Variants in GALNT17 observed in about 807,000 individuals in gnomAD.
GALNT17 encodes the protein polypeptide N-acetylgalactosaminyltransferase 17.
A neutral mutation model predicts 63.7 loss-of-function variants in GALNT17; 29 were observed. The ratio of observed to expected loss-of-function variants is 0.46; its 90% confidence interval spans 0.34 to 0.62. The LOEUF (loss-of-function observed/expected upper bound fraction) is 0.62, where lower values mean the gene tolerates loss of function less well. Among genes scored for constraint, GALNT17 ranks in the 20% least tolerant of loss-of-function variants. GALNT17 has a pLI of 0.01. For missense variants in GALNT17, 603 were observed against 799.6 expected (o/e 0.75, Z 2.97); for synonymous variants, 305 against 318.3 (o/e 0.96, Z 0.45).
rs555277254 is a variant in GALNT17 at position 71,155,694 on chromosome 7, G to A, written c.238+22654G>A. On this transcript the variant is annotated intron_variant, in intron 1 of 10. Transcript: ENST00000333538. ...AGAGACTACTGATTTTCTACTTTTTGTAGAACCTGGAGAATTTGGTGTTTC... is the reference window on the plus strand; with the variant it reads ...AGAGACTACTGATTTTCTACTTTTTATAGAACCTGGAGAATTTGGTGTTTC... 8.6e-5 allele frequency among the ~76,000 whole-genome samples: 13 copies of A among 151,436 alleles called. No individual in the cohort carries two copies. In the South Asian group the frequency reaches 2.5e-3, roughly 29 times the overall value.
intron 1 of GALNT17, among the ~76,000 whole-genome samples, chr7:71,249,922 A>G (rs996678102): frequency 6.6e-6 from 1 of 152,244 alleles, no homozygotes; most frequent in African/African-American, 2.4e-5. Flanking sequence ...AAGGTGATGC[A>G]TTTCAATATT....
At chr7:71,660,616 G>C (rs1790894088) in intron 6 of GALNT17, among the ~76,000 whole-genome samples, 1 of 152,184 alleles carries the variant, frequency 6.6e-6, no homozygotes, top group African/African-American at 2.4e-5. Context: ...ACATAAACTG[G>C]ATCGTTCCCT....
intron 9 of GALNT17, among the ~76,000 whole-genome samples, chr7:71,682,961 T>C (rs664924): frequency 0.4 from 61,172 of 151,906 alleles, 13,780 homozygotes; most frequent in African/African-American, 0.62. Context: ...TCTCCTTTCC[T>C]GCTGGGAGCT....
In GALNT17 at chr7:71,686,748, T is replaced by C. The variant is rs80091757; in HGVS notation, c.1500+9442T>C. The stretch of plus-strand genomic sequence containing the variant: ...TTGAGGACCATAGTTGAGAGAGTGT[T>C]CATAGAAGTTGCCTGTACACCTGCA... On this transcript the variant is annotated intron_variant, in intron 9 of 10. Coordinates refer to ENST00000333538, the MANE Select transcript of GALNT17 (RefSeq NM_022479.3). 6.5e-3 allele frequency among the ~76,000 whole-genome samples: 984 copies of C among 152,114 alleles called. 15 individuals are homozygous for C. Among genetic ancestry groups the C allele is most frequent in the African/African-American group, 0.022 (917 of 41,508 alleles).
At chr7:71,193,454 C>CTTTTTTTTT (rs1159902249) in intron 1 of GALNT17, among the ~76,000 whole-genome samples, 8 of 107,308 alleles carry the variant, frequency 7.5e-5, no homozygotes, top group East Asian at 2.9e-4. Context: ...ACGCTTTTGT[C>CTTTTTTTTT]TTTTTTTTTT....
At chr7:71,234,801 C>T (rs903179239) in intron 1 of GALNT17, among the ~76,000 whole-genome samples, 1 of 152,158 alleles carries the variant, frequency 6.6e-6, no homozygotes, top group African/African-American at 2.4e-5. Context: ...GATGCTGACT[C>T]CTGAATTTGG....
chr7:71,694,988 G>A (rs992775678), intron 9 of GALNT17, among the ~76,000 whole-genome samples: 3 of 152,080 alleles, frequency 2.0e-5, no homozygotes, highest in Non-Finnish European at 4.4e-5. Flanking sequence ...CACATATAGA[G>A]ACAAAAAAGA....
chr7:71,383,506 A>G (rs959961418), intron 2 of GALNT17, among the ~76,000 whole-genome samples: 1 of 152,152 alleles, frequency 6.6e-6, no homozygotes, highest in Admixed American at 6.5e-5. Context: ...TGGTGCGGTC[A>G]TAGCTCACTG....
At chr7:71,663,615 G>A (rs1445096694) in intron 6 of GALNT17, among the ~76,000 whole-genome samples, 2 of 152,120 alleles carry the variant, frequency 1.3e-5, no homozygotes, top group African/African-American at 4.8e-5. Context: ...AATTCCTCCT[G>A]GAAGAAGCAA....
At chr7:71,377,114 A>AATAAATAT (rs1792754501) in intron 2 of GALNT17, among the ~76,000 whole-genome samples, 2 of 57,486 alleles carry the variant, frequency 3.5e-5, no homozygotes, top group Non-Finnish European at 6.0e-5. Flanking sequence ...AAATAAAAAA[A>AATAAATAT]ATATATATAT....
At chr7:71,171,081 A>G (rs1272960016) in intron 1 of GALNT17, among the ~76,000 whole-genome samples, 2 of 152,238 alleles carry the variant, frequency 1.3e-5, no homozygotes, top group Non-Finnish European at 2.9e-5. Context: ...AAGAAGCCGT[A>G]TATCTCTGAA....
intron 2 of GALNT17, among the ~76,000 whole-genome samples, chr7:71,354,357 G>A (rs1323993216): frequency 6.6e-6 from 1 of 152,102 alleles, no homozygotes; most frequent in Non-Finnish European, 1.5e-5. Context: ...CTATCTCTAT[G>A]GCTATGGTAT....
intron 5 of GALNT17, among the ~76,000 whole-genome samples, chr7:71,530,609 T>C (rs1476839081): frequency 6.6e-6 from 1 of 151,970 alleles, no homozygotes; most frequent in East Asian, 1.9e-4. Flanking sequence ...AGTCTCGCTC[T>C]GTCGCCCAGG....
chr7:71,414,918 C>A (rs1244746399), intron 3 of GALNT17, among the ~76,000 whole-genome samples: 1 of 152,110 alleles, frequency 6.6e-6, no homozygotes, highest in Non-Finnish European at 1.5e-5. Flanking sequence ...ATCTAAGAAT[C>A]CCCTCCCTGT....
intron 3 of GALNT17, among the ~76,000 whole-genome samples, chr7:71,396,095 A>C (rs1793135231): frequency 6.6e-6 from 1 of 151,990 alleles, no homozygotes; most frequent in Non-Finnish European, 1.5e-5. Context: ...ATGTCTTTGG[A>C]TGCACAAAAG....
intron 1 of GALNT17, among the ~76,000 whole-genome samples, chr7:71,293,188 A>C (rs1440976196): frequency 6.6e-6 from 1 of 152,116 alleles, no homozygotes; most frequent in Non-Finnish European, 1.5e-5. Flanking sequence ...ATTTCTCAAC[A>C]TACTGATTTC....
intron 6 of GALNT17, among the ~76,000 whole-genome samples, chr7:71,608,813 C>G (rs895265034): frequency 2.0e-5 from 3 of 152,088 alleles, no homozygotes; most frequent in Non-Finnish European, 2.9e-5. Flanking sequence ...GGGTCTTGCT[C>G]TGTCACCTAG....
chr7:71,650,574 C>T (rs537363714), intron 6 of GALNT17, among the ~76,000 whole-genome samples: 1 of 152,308 alleles, frequency 6.6e-6, no homozygotes, highest in South Asian at 2.1e-4. Context: ...ACAGACCCGT[C>T]CTCTTCAGAT....
chr7:71,401,758 C>T (rs566949426), intron 3 of GALNT17, among the ~76,000 whole-genome samples: 6 of 152,324 alleles, frequency 3.9e-5, no homozygotes, highest in African/African-American at 1.4e-4. Flanking sequence ...CCAGCACCCC[C>T]AGATGGGATC....
Sources: allele counts gnomAD v4.1 joint callset (sites outside exome capture counted in the v4.1 genomes callset), GRCh38; gene constraint gnomAD v4.1.1; transcripts MANE v1.5; gene names NCBI Gene and HGNC (gene_info 2026-07-23, HGNC 2026-07-21).